MAGI2: variants seen among roughly 807,000 people sequenced by gnomAD.
MAGI2 encodes membrane-associated guanylate kinase, WW and PDZ domain-containing protein 2.
Under a neutral mutation model 133.3 loss-of-function variants are expected in MAGI2, and 35 were observed. The ratio of observed to expected loss-of-function variants is 0.26; its 90% CI spans 0.20 to 0.35. MAGI2 has a LOEUF of 0.35. MAGI2 is among the 10% of genes least tolerant of loss of function. The pLI is 1.00. For synonymous variants in MAGI2, 729 were observed against 710.6 expected, an observed-to-expected ratio of 1.03 and a Z score of -0.41; for missense variants, 1,636 against 1,863.4, an observed-to-expected ratio of 0.88 and a Z score of 2.25.
chr7:79,353,102 C>A (rs991588693), intron 1 of MAGI2, among the ~76,000 whole-genome samples: 1 of 151,856 alleles, frequency 6.6e-6, no homozygotes, highest in Non-Finnish European at 1.5e-5. Context: ...AACAGGAGGC[C>A]GATTTAGCTT....
At chr7:79,345,655 C>CA (rs1841257010) in intron 1 of MAGI2, among the ~76,000 whole-genome samples, 1 of 151,768 alleles carries the variant, frequency 6.6e-6, no homozygotes, top group East Asian at 1.9e-4. Flanking sequence ...TGGATGTGTT[C>CA]TAAAAAAATC....
chr7:78,217,310 C>T (rs1199121302), intron 10 of MAGI2, among the ~76,000 whole-genome samples: 1 of 152,142 alleles, frequency 6.6e-6, no homozygotes, highest in African/African-American at 2.4e-5. Flanking sequence ...TTTTCTCTCC[C>T]CTATGGGTTT....
chr7:78,971,037 T>G (rs1584538133), intron 2 of MAGI2, among the ~76,000 whole-genome samples: 2 of 152,176 alleles, frequency 1.3e-5, no homozygotes, highest in South Asian at 4.1e-4. Flanking sequence ...CTCTGGTGGG[T>G]TTGTGTCTAA....
At chr7:78,648,808 T>C (rs1432529891) in intron 2 of MAGI2, among the ~76,000 whole-genome samples, 1 of 152,150 alleles carries the variant, frequency 6.6e-6, no homozygotes, top group East Asian at 1.9e-4. Context: ...GTTGAGAAGA[T>C]GGTAAAATTT....
intron 2 of MAGI2, among the ~76,000 whole-genome samples, chr7:78,638,692 A>G (rs987021079): frequency 2.0e-5 from 3 of 152,246 alleles, no homozygotes; most frequent in Non-Finnish European, 4.4e-5. Flanking sequence ...GCAACCAACC[A>G]TAATTCCAAG....
intron 1 of MAGI2, among the ~76,000 whole-genome samples, chr7:79,171,268 GC>G (rs1054016460): frequency 6.6e-6 from 1 of 152,022 alleles, no homozygotes; most frequent in African/African-American, 2.4e-5. Context: ...TTGGCTTACA[GC>G]AACATAACTT....
intron 2 of MAGI2, among the ~76,000 whole-genome samples, chr7:78,782,924 C>T (rs544548814): frequency 6.6e-6 from 1 of 151,926 alleles, no homozygotes; most frequent in Admixed American, 6.5e-5. Context: ...TTATTAGACT[C>T]CATCTCTGGA....
At chr7:78,851,487 A>C (rs60248488) in intron 2 of MAGI2, among the ~76,000 whole-genome samples, 1 of 152,074 alleles carries the variant, frequency 6.6e-6, no homozygotes, top group African/African-American at 2.4e-5. Flanking sequence ...ACTCAATTTA[A>C]AAAGATAACA....
chr7:79,341,583 C>T (rs1461983584), intron 1 of MAGI2, among the ~76,000 whole-genome samples: 1 of 152,106 alleles, frequency 6.6e-6, no homozygotes, highest in Admixed American at 6.5e-5. Flanking sequence ...ATTTGAGATG[C>T]CTTTACCTTA....
At chr7:78,091,895 C>A (rs149373499) in intron 20 of MAGI2, among the ~76,000 whole-genome samples, 1 of 152,148 alleles carries the variant, frequency 6.6e-6, no homozygotes, top group Non-Finnish European at 1.5e-5. Context: ...AGCTTTAAAA[C>A]CCAGGTTCAT....
chr7:78,635,273 G>A (rs1809504682), intron 2 of MAGI2, among the ~76,000 whole-genome samples: 1 of 152,154 alleles, frequency 6.6e-6, no homozygotes, highest in African/African-American at 2.4e-5. Flanking sequence ...TTTAAATGAA[G>A]GAACATTGCT....
chr7:78,526,644 T>A (rs767924855), intron 3 of MAGI2, among the ~76,000 whole-genome samples: 1 of 152,194 alleles, frequency 6.6e-6, no homozygotes, highest in Non-Finnish European at 1.5e-5. Context: ...TAACTACCTA[T>A]GAACAGATTC....
intron 10 of MAGI2, among the ~76,000 whole-genome samples, chr7:78,224,492 C>T (rs1789156785): frequency 6.6e-6 from 1 of 152,026 alleles, no homozygotes. Context: ...ATGGGGAAAC[C>T]CTGTCTCTGC....
chr7:78,691,515 C>T (rs767763470), intron 2 of MAGI2, among the ~76,000 whole-genome samples: 3 of 152,150 alleles, frequency 2.0e-5, no homozygotes, highest in Non-Finnish European at 4.4e-5. Flanking sequence ...AGCCTTCATC[C>T]TGATTTTAAA....
At chr7:78,572,332 G>A (rs1801585849) in intron 3 of MAGI2, among the ~76,000 whole-genome samples, 1 of 152,076 alleles carries the variant, frequency 6.6e-6, no homozygotes, top group South Asian at 2.1e-4. Context: ...ATATTGAAAT[G>A]CAAATTTAAC....
intron 1 of MAGI2, among the ~76,000 whole-genome samples, chr7:79,327,078 G>A (rs1009856751): frequency 2.0e-5 from 3 of 152,074 alleles, no homozygotes; most frequent in African/African-American, 7.2e-5. Flanking sequence ...GCAGACTCTG[G>A]AGCCATACTT....
At chr7:78,712,076 T>C (rs1470874090) in intron 2 of MAGI2, among the ~76,000 whole-genome samples, 3 of 152,086 alleles carry the variant, frequency 2.0e-5, no homozygotes, top group Admixed American at 1.3e-4. Context: ...ACTGGCAATG[T>C]CAACAAAAAT....
intron 1 of MAGI2, among the ~76,000 whole-genome samples, chr7:79,429,223 A>T (rs1297226788): frequency 6.6e-6 from 1 of 152,198 alleles, no homozygotes; most frequent in Non-Finnish European, 1.5e-5. Flanking sequence ...GTTTTAACAT[A>T]TAATAAATCT....
intron 2 of MAGI2, among the ~76,000 whole-genome samples, chr7:78,672,413 C>CA (rs973373849): frequency 2.6e-5 from 4 of 152,042 alleles, no homozygotes; most frequent in African/African-American, 9.7e-5. Context: ...AGCCATGAGC[C>CA]AAAAATAAAT....
Sources: gnomAD v4.1 joint callset for allele counts (sites outside exome capture counted in the v4.1 genomes callset) on GRCh38, gnomAD v4.1.1 for gene constraint, MANE v1.5 for transcripts, NCBI Gene and HGNC (gene_info 2026-07-23, HGNC 2026-07-21) for gene names.